Variants in ABL1 observed in about 807,000 individuals in gnomAD.
ABL1 encodes tyrosine-protein kinase ABL1.
A neutral mutation model predicts 94.7 loss-of-function variants in ABL1; 11 were observed. That is an observed-to-expected ratio of 0.12 (90% CI 0.07 to 0.19). The LOEUF (loss-of-function observed/expected upper bound fraction) is 0.19, where lower values mean the gene tolerates loss of function less well. Among genes scored for constraint, ABL1 ranks in the 10% least tolerant of loss-of-function variants. The pLI is 1.00. For missense variants in ABL1, 1,082 were observed against 1,489.4 expected (o/e 0.73, Z 4.50); for synonymous variants, 656 against 622.4 (o/e 1.05, Z -0.80).
intron 1 of ABL1, among the ~76,000 whole-genome samples, chr9:130,781,493 A>T (rs1294261424): frequency 2.0e-5 from 3 of 152,190 alleles, no homozygotes; most frequent in African/African-American, 7.2e-5. Flanking sequence ...AGTGGAGAAG[A>T]ATTGCCAGAG....
At chr9:130,758,886 T>C (rs1832074861) in intron 1 of ABL1, among the ~76,000 whole-genome samples, 2 of 152,178 alleles carry the variant, frequency 1.3e-5, no homozygotes. Context: ...TTCTCAGATG[T>C]GATGGTTTCG....
chr9:130,839,890 C>T (rs1404729903), intron 1 of ABL1, among the ~76,000 whole-genome samples: 1 of 152,202 alleles, frequency 6.6e-6, no homozygotes, highest in East Asian at 1.9e-4. Flanking sequence ...GCAGGCAGCT[C>T]CCGAGCCAGC....
At chr9:130,778,284 G>A (rs1335943719) in intron 1 of ABL1, among the ~76,000 whole-genome samples, 1 of 145,398 alleles carries the variant, frequency 6.9e-6, no homozygotes, top group Non-Finnish European at 1.5e-5. Context: ...AACCTCTCAG[G>A]GCTTTGTGTT....
Position 130,873,012 on chromosome 9 carries a change from C to G in ABL1, c.1060C>G (p.Leu354Val). 1.2e-6 allele frequency: 2 copies of G among 1,613,952 alleles called. No homozygotes were observed. Among genetic ancestry groups the G allele is most frequent in the South Asian group, 2.2e-5 (2 of 91,070 alleles). ...TCAGATCTCGTCAGCCATGGAGTAC[C>G]TGGAGAAGAAAAACTTCATCCACAG... ...ATQISSAMEY[L>V]EKKNFIHRDL... The change falls in exon 6 of 11, where the codon CTG (leucine) becomes GTG (valine). Residue 354 changes from leucine to valine, a missense_variant. Leu to Val is a conservative substitution (Grantham distance 32). Coordinates refer to ENST00000318560, the MANE Select transcript of ABL1 (RefSeq NM_005157.6).
At chr9:130,856,113 A>G (rs7028219) in intron 3 of ABL1, among the ~76,000 whole-genome samples, 5,423 of 151,896 alleles carry the variant, frequency 0.036, 327 homozygotes, top group African/African-American at 0.12. Flanking sequence ...TTGAGATGGC[A>G]TTTTCGCTCT....
chr9:130,868,528 T>C (rs2132985397), intron 4 of ABL1, among the ~76,000 whole-genome samples: 1 of 136,574 alleles, frequency 7.3e-6, no homozygotes, highest in African/African-American at 3.0e-5. Flanking sequence ...TTCTTTTTTT[T>C]TTTTTTTTTT....
upstream of ABL1, chr9:130,835,099 G>C (rs1830544231): frequency 3.7e-6 from 1 of 269,638 alleles, no homozygotes; most frequent in Admixed American, 5.4e-5. The surrounding 1 kb of genome is among the most constrained non-coding windows in gnomAD (Gnocchi z 4.6). Context: ...CATTGGCCCG[G>C]GTTGGCTTTG....
chr9:130,719,074 G>GA (rs986144577), intron 1 of ABL1, among the ~76,000 whole-genome samples: 4 of 151,746 alleles, frequency 2.6e-5, no homozygotes, highest in Admixed American at 2.0e-4. Flanking sequence ...GTATGTCCAG[G>GA]AAAAAAAAGT....
chr9:130,846,417 G>A (rs1043348299), intron 1 of ABL1, among the ~76,000 whole-genome samples: 5 of 152,130 alleles, frequency 3.3e-5, no homozygotes, highest in Admixed American at 1.3e-4. Flanking sequence ...GGATAATAGC[G>A]AAGGACCCAC....
intron 1 of ABL1, among the ~76,000 whole-genome samples, chr9:130,805,585 GA>G (rs1830115393): frequency 6.6e-6 from 1 of 152,218 alleles, no homozygotes; most frequent in Admixed American, 6.5e-5. Context: ...GGAGGGGAAG[GA>G]AGAAAGAAGT....
intron 10 of ABL1, among the ~76,000 whole-genome samples, chr9:130,882,543 CT>C (rs888824105): frequency 6.7e-5 from 10 of 148,670 alleles, no homozygotes; most frequent in South Asian, 4.3e-4. Context: ...AAAAGATTTC[CT>C]TTTTTTTTTG....
chr9:130,878,375 A>G (rs780264603), intron 7 of ABL1, 40 bp from the exon 8 acceptor site: 1 of 1,609,342 alleles, frequency 6.2e-7, no homozygotes, highest in Non-Finnish European at 8.5e-7. Context: ...GTGAAATGCT[A>G]CACATCTTGA....
At chr9:130,812,160 T>C (rs575471453) in intron 1 of ABL1, among the ~76,000 whole-genome samples, 1 of 147,620 alleles carries the variant, frequency 6.8e-6, no homozygotes, top group Admixed American at 6.8e-5. Flanking sequence ...AGCCAGGAGT[T>C]TGAGACCAGC....
chr9:130,822,181 A>C (rs1055022323), intron 1 of ABL1, among the ~76,000 whole-genome samples: 6 of 152,128 alleles, frequency 3.9e-5, no homozygotes, highest in Non-Finnish European at 8.8e-5. Context: ...CATGTTGATC[A>C]GGCTGGTCTC....
At chr9:130,779,010 T>C (rs1378479535) in intron 1 of ABL1, among the ~76,000 whole-genome samples, 1 of 152,210 alleles carries the variant, frequency 6.6e-6, no homozygotes, top group Non-Finnish European at 1.5e-5. Flanking sequence ...TTGTGGCAAA[T>C]AGGGAAGAAA....
chr9:130,722,118 C>T (rs539635341), intron 1 of ABL1, among the ~76,000 whole-genome samples: 2 of 151,236 alleles, frequency 1.3e-5, no homozygotes, highest in South Asian at 4.2e-4. Flanking sequence ...ACAGGCTGGG[C>T]GTGGTGGCTC....
chr9:130,869,353 G>T (rs528183543), intron 4 of ABL1, among the ~76,000 whole-genome samples: 1 of 152,184 alleles, frequency 6.6e-6, no homozygotes, highest in Non-Finnish European at 1.5e-5. Flanking sequence ...GTGAGTGCTG[G>T]CCTCATGCCA....
chr9:130,737,321 G>A (rs1175889160), intron 1 of ABL1, among the ~76,000 whole-genome samples: 2 of 152,140 alleles, frequency 1.3e-5, no homozygotes, highest in Non-Finnish European at 2.9e-5. Flanking sequence ...AGGCTGGAGT[G>A]CAGTGGCGTC....
intron 1 of ABL1, among the ~76,000 whole-genome samples, chr9:130,740,307 G>A (rs1831800112): frequency 6.6e-6 from 1 of 152,268 alleles, no homozygotes; most frequent in African/African-American, 2.4e-5. Flanking sequence ...AAGTGGGTTG[G>A]AAGTCCCTTG....
Sources: allele counts gnomAD v4.1 joint callset (sites outside exome capture counted in the v4.1 genomes callset), GRCh38; gene constraint gnomAD v4.1.1; non-coding constraint Gnocchi (gnomAD v3.1); transcripts MANE v1.5; gene names NCBI Gene and HGNC (gene_info 2026-07-23, HGNC 2026-07-21).